The following SDK1 variants were observed in gnomAD, a reference collection of about 807,000 sequenced individuals.
SDK1 encodes sidekick cell adhesion molecule 1.
Under a neutral mutation model 245.5 loss-of-function variants are expected in SDK1, and 157 were observed. The observed-to-expected ratio is 0.64, with a 90% CI of 0.56 to 0.73. SDK1 has a LOEUF of 0.73. Ranked by LOEUF, SDK1 falls within the 30% of genes least tolerant of loss-of-function variation. SDK1 has a pLI of 0.00. For synonymous variants in SDK1, 1,647 were observed against 1,278.5 expected (o/e 1.29, Z -6.15); for missense variants, 3,583 against 3,002.3 (o/e 1.19, Z -4.52).
intron 12 of SDK1, among the ~76,000 whole-genome samples, chr7:3,973,645 C>G (rs1485975117): frequency 1.3e-5 from 2 of 151,890 alleles, no homozygotes; most frequent in Admixed American, 6.6e-5. Flanking sequence ...CCTGTCCAGA[C>G]AACACTCTTG....
chr7:3,327,056 A>G (rs765952783), intron 1 of SDK1, among the ~76,000 whole-genome samples: 3 of 152,220 alleles, frequency 2.0e-5, no homozygotes, highest in Non-Finnish European at 2.9e-5. Context: ...ATGTAAAGAT[A>G]ATGTTCAGTT....
intron 13 of SDK1, among the ~76,000 whole-genome samples, chr7:3,978,086 G>T (rs1226195253): frequency 6.6e-6 from 1 of 152,050 alleles, no homozygotes; most frequent in Non-Finnish European, 1.5e-5. Flanking sequence ...CTCAGACAGA[G>T]GATTTTTTTT....
chr7:3,558,598 T>C (rs1377804692), intron 1 of SDK1, among the ~76,000 whole-genome samples: 2 of 151,606 alleles, frequency 1.3e-5, no homozygotes, highest in African/African-American at 2.4e-5. Flanking sequence ...GTGAAGGGAG[T>C]AAGAGCTGGG....
chr7:3,329,743 A>C lies in SDK1; in HGVS notation c.298+27859A>C, dbSNP rs117164715. Among the ~76,000 whole-genome samples, 633 of 152,314 alleles carry C rather than the reference A, an allele frequency of 4.2e-3. 7 individuals carry two copies. Among genetic ancestry groups the C allele is most frequent in the South Asian group, 0.018 (86 of 4,826 alleles). On this transcript the variant is annotated intron_variant, in intron 1 of 44. Coordinates refer to ENST00000404826, the MANE Select transcript of SDK1 (RefSeq NM_152744.4). Reference sequence around the variant, plus strand: ...TTGGTGCATTCTACATCTGGTGTTCAACCACAGATTAAGAATACTTAAAAA... The same window carrying C: ...TTGGTGCATTCTACATCTGGTGTTCCACCACAGATTAAGAATACTTAAAAA...
intron 5 of SDK1, among the ~76,000 whole-genome samples, chr7:3,892,025 A>G (rs933772234): frequency 6.6e-6 from 1 of 152,130 alleles, no homozygotes; most frequent in Non-Finnish European, 1.5e-5. Context: ...CTAAGTTATC[A>G]TAGGTTATTT....
intron 14 of SDK1, among the ~76,000 whole-genome samples, chr7:4,003,564 C>G (rs909149572): frequency 6.6e-6 from 1 of 152,224 alleles, no homozygotes. Flanking sequence ...ATGTTCTTCT[C>G]TTAGCTAGAC....
chr7:3,356,215 T>C (rs1780790256), intron 1 of SDK1, among the ~76,000 whole-genome samples: 1 of 152,144 alleles, frequency 6.6e-6, no homozygotes, highest in African/African-American at 2.4e-5. Context: ...CTTGCCCTTC[T>C]CTAGTCATCC....
At chr7:3,797,125 G>T (rs1168805896) in intron 4 of SDK1, among the ~76,000 whole-genome samples, 2 of 151,834 alleles carry the variant, frequency 1.3e-5, no homozygotes, top group African/African-American at 2.4e-5. Context: ...TACTGCCTCA[G>T]TCTCACAAGT....
chr7:4,039,020 T>C (rs1788410452), intron 17 of SDK1, among the ~76,000 whole-genome samples: 1 of 152,152 alleles, frequency 6.6e-6, no homozygotes, highest in African/African-American at 2.4e-5. Context: ...CTTGGTACAC[T>C]TGATGACTTT....
chr7:3,625,686 G>C (rs1433532819), intron 2 of SDK1, among the ~76,000 whole-genome samples: 2 of 152,170 alleles, frequency 1.3e-5, no homozygotes, highest in African/African-American at 4.8e-5. Context: ...TCCTGTACTT[G>C]GCTGATAAAT....
At position 4,164,592 on chromosome 7, in the gene SDK1, G is replaced by C. The variant is rs532086007; in HGVS notation, c.4800+2736G>C. Among the ~76,000 whole-genome samples the C allele has an allele frequency of 7.9e-5, 12 of 152,318 alleles. No individual in the cohort carries two copies. In the South Asian group the frequency reaches 1.2e-3, roughly 16 times the overall value. ...GAAAATTCACATTTTCTTTGTAGAC[G>C]TGGCGGCAGCCTGCCAATACCTTAC... On this transcript the variant is annotated intron_variant, in intron 32 of 44. Transcript: ENST00000404826.
At chr7:3,529,289 T>C (rs1783261771) in intron 1 of SDK1, among the ~76,000 whole-genome samples, 1 of 152,206 alleles carries the variant, frequency 6.6e-6, no homozygotes, top group African/African-American at 2.4e-5. Flanking sequence ...GCCTAGATTC[T>C]GGTTTGTAAA....
chr7:3,430,577 C>T (rs982646632), intron 1 of SDK1, among the ~76,000 whole-genome samples: 1 of 152,176 alleles, frequency 6.6e-6, no homozygotes, highest in African/African-American at 2.4e-5. Flanking sequence ...CCATCTGAGC[C>T]TCCTGTCCTA....
At chr7:3,447,283 T>C (rs35746254) in intron 1 of SDK1, among the ~76,000 whole-genome samples, 6,290 of 152,274 alleles carry the variant, frequency 0.041, 200 homozygotes, top group Non-Finnish European at 0.063. Context: ...GATTAACATA[T>C]TGTGAAGCGA....
rs538046570 is a variant in SDK1, at chr7:3,390,606, C to G, written c.298+88722C>G. Among the ~76,000 whole-genome samples, 472 of 152,252 alleles carry G rather than the reference C, an allele frequency of 3.1e-3. 1 individual carries two copies. Among genetic ancestry groups the G allele is most frequent in the African/African-American group, 0.011 (445 of 41,530 alleles). Reference sequence around the variant, plus strand: ...GGACTATAATCCAATGACTAGTATCCTTATATGATGAGGGGGCTTTGGACA... The same window carrying G: ...GGACTATAATCCAATGACTAGTATCGTTATATGATGAGGGGGCTTTGGACA... On this transcript the variant is annotated intron_variant, in intron 1 of 44. Transcript: ENST00000404826.
At chr7:3,419,422 C>T (rs1412904960) in intron 1 of SDK1, among the ~76,000 whole-genome samples, 1 of 152,148 alleles carries the variant, frequency 6.6e-6, no homozygotes, top group East Asian at 1.9e-4. Context: ...GACACTAGAG[C>T]ACCTGCTCCC....
chr7:3,741,917 A>G (rs1261759332), intron 4 of SDK1, among the ~76,000 whole-genome samples: 1 of 151,552 alleles, frequency 6.6e-6, no homozygotes, highest in Non-Finnish European at 1.5e-5. Flanking sequence ...ATATCCAGGT[A>G]TCTTGACCAT....
intron 4 of SDK1, among the ~76,000 whole-genome samples, chr7:3,661,566 T>C (rs1485093244): frequency 6.6e-6 from 1 of 152,194 alleles, no homozygotes; most frequent in African/African-American, 2.4e-5. Flanking sequence ...GAATTGTGGC[T>C]ATCATTGAAT....
chr7:4,196,270 G>A (rs891599213), intron 35 of SDK1, among the ~76,000 whole-genome samples: 3 of 152,088 alleles, frequency 2.0e-5, no homozygotes, highest in Admixed American at 6.5e-5. Flanking sequence ...TTGCAGCCCC[G>A]CCCTCGCTCA....
Sources: gnomAD v4.1 joint callset for allele counts (sites outside exome capture counted in the v4.1 genomes callset) on GRCh38, gnomAD v4.1.1 for gene constraint, MANE v1.5 for transcripts, NCBI Gene and HGNC (gene_info 2026-07-23, HGNC 2026-07-21) for gene names.